Variants in RARB observed in about 807,000 individuals in gnomAD.
RARB encodes the protein retinoic acid receptor beta.
RARB carries 17 observed loss-of-function variants against 51.9 expected under a neutral mutation model. The ratio of observed to expected loss-of-function variants is 0.33; its 90% CI spans 0.22 to 0.49. The LOEUF (loss-of-function observed/expected upper bound fraction) is 0.49. Among genes scored for constraint, RARB ranks in the 20% least tolerant of loss-of-function variants. The pLI, the probability that RARB is intolerant of heterozygous loss-of-function variation, is 0.99. For synonymous variants in RARB, 215 were observed against 195.4 expected (o/e 1.10, Z -0.84); for missense variants, 369 against 550.8 (o/e 0.67, Z 3.30).
chr3:25,291,476 CTT>C (rs199605013), intron 5 of RARB, among the ~76,000 whole-genome samples: 78 of 125,322 alleles, frequency 6.2e-4, no homozygotes, highest in African/African-American at 1.5e-3. Flanking sequence ...CAGATGTTTG[CTT>C]TTTTTTTTTT....
intron 5 of RARB, among the ~76,000 whole-genome samples, chr3:25,227,629 CTATAT>C (rs986776368): frequency 4.6e-5 from 7 of 152,086 alleles, no homozygotes; most frequent in Non-Finnish European, 1.0e-4. Flanking sequence ...CCCATCACAA[CTATAT>C]TATGTTTGCT....
rs186331588 is a variant in RARB, at chr3:25,274,359, T to C, written c.178+99784T>C. Among the ~76,000 whole-genome samples the C allele has an allele frequency of 7.2e-3, 1,088 of 151,986 alleles. 16 individuals carry two copies. The highest frequency in any genetic ancestry group is 0.025 in the African/African-American group (1,043 of 41,284). On this transcript the variant is annotated intron_variant, in intron 5 of 11. Coordinates refer to the RARB transcript ENST00000383772. ...CGCAACTAATGGCCATAGGCTACCA[T>C]ACAGGGTGGTGCCCTTCCAGTCCCT...
chr3:24,914,182 T>C (rs1695059557), intron 2 of RARB, among the ~76,000 whole-genome samples: 1 of 152,346 alleles, frequency 6.6e-6, no homozygotes, highest in East Asian at 1.9e-4. Context: ...CTCAGGGATC[T>C]GAGACACAAA....
chr3:24,997,083 A>C (rs1697057373), intron 2 of RARB, among the ~76,000 whole-genome samples: 1 of 152,152 alleles, frequency 6.6e-6, no homozygotes, highest in Non-Finnish European at 1.5e-5. Context: ...TATTGTATTG[A>C]GGTCTATCTC....
chr3:24,939,422 T>C (rs143950935), intron 2 of RARB, among the ~76,000 whole-genome samples: 243 of 152,354 alleles, frequency 1.6e-3, no homozygotes, highest in African/African-American at 5.3e-3. Flanking sequence ...AAGTGATAAA[T>C]GCAGGCTGCA....
chr3:24,966,220 G>A (rs535759854), intron 2 of RARB, among the ~76,000 whole-genome samples: 20 of 151,840 alleles, frequency 1.3e-4, no homozygotes, highest in African/African-American at 4.8e-4. Flanking sequence ...AACTATTATT[G>A]GAATTTGGGA....
chr3:25,282,613 G>T (rs977857220), intron 5 of RARB, among the ~76,000 whole-genome samples: 1 of 152,192 alleles, frequency 6.6e-6, no homozygotes, highest in Admixed American at 6.5e-5. Flanking sequence ...TATAGATGGT[G>T]CTTGATAAAT....
intron 1 of RARB, among the ~76,000 whole-genome samples, chr3:25,456,715 A>AGAGAGT (rs1694938831): frequency 7.2e-6 from 1 of 139,428 alleles, no homozygotes; most frequent in Non-Finnish European, 1.6e-5. Flanking sequence ...AGAGAGAGAG[A>AGAGAGT]GAGTCAAATA....
intron 2 of RARB, among the ~76,000 whole-genome samples, chr3:25,031,361 C>G (rs1048237263): frequency 6.6e-6 from 1 of 152,120 alleles, no homozygotes; most frequent in Non-Finnish European, 1.5e-5. Context: ...GAGCAGGTCC[C>G]AAACTAGTTT....
rs563382445 is a variant in RARB at position 25,063,260 on chromosome 3, C to T, written c.-328+3084C>T. Among the ~76,000 whole-genome samples, 4 of 152,076 alleles carry T rather than the reference C, an allele frequency of 2.6e-5. No individual in the cohort carries two copies. In the East Asian group the frequency reaches 5.8e-4, roughly 22 times the overall value. Reference sequence around the variant, plus strand: ...ATTTTGAGGAAATTATTTTATTCCCCTCTCAATTTTGCTCTAAAACTTCTG... The same window carrying T: ...ATTTTGAGGAAATTATTTTATTCCCTTCTCAATTTTGCTCTAAAACTTCTG... On this transcript the variant is annotated intron_variant, in intron 3 of 11. Coordinates refer to the RARB transcript ENST00000383772.
chr3:25,189,757 C>T (rs982296446), intron 5 of RARB, among the ~76,000 whole-genome samples: 4 of 151,938 alleles, frequency 2.6e-5, no homozygotes, highest in Non-Finnish European at 5.9e-5. Flanking sequence ...TGGTGGTGGG[C>T]GCCTGTAATC....
chr3:25,437,201 T>G (rs1472584700), intron 1 of RARB, among the ~76,000 whole-genome samples: 1 of 150,736 alleles, frequency 6.6e-6, no homozygotes, highest in Non-Finnish European at 1.5e-5. Flanking sequence ...GCTCATAACC[T>G]AGGTGGCAGT....
At chr3:24,932,532 A>G (rs1264563302) in intron 2 of RARB, among the ~76,000 whole-genome samples, 2 of 152,120 alleles carry the variant, frequency 1.3e-5, no homozygotes, top group African/African-American at 4.8e-5. Flanking sequence ...ATGCGTATGC[A>G]TTTTTACACA....
chr3:24,906,506 T>C (rs1257803310), intron 2 of RARB, among the ~76,000 whole-genome samples: 1 of 152,116 alleles, frequency 6.6e-6, no homozygotes, highest in Non-Finnish European at 1.5e-5. Context: ...AGATTTATCA[T>C]TTTGGGAAGG....
chr3:24,961,012 ATTTTC>A (rs1696129051), intron 2 of RARB, among the ~76,000 whole-genome samples: 1 of 152,226 alleles, frequency 6.6e-6, no homozygotes, highest in African/African-American at 2.4e-5. Context: ...TCTCAAGTCT[ATTTTC>A]TTATTTGTCA....
chr3:25,252,529 G>A (rs1230566120), intron 5 of RARB, among the ~76,000 whole-genome samples: 1 of 152,112 alleles, frequency 6.6e-6, no homozygotes, highest in East Asian at 1.9e-4. Context: ...TTTCAGTAAT[G>A]TTCTGTAGTT....
At chr3:25,348,875 T>C (rs1160286852) in intron 5 of RARB, among the ~76,000 whole-genome samples, 2 of 152,180 alleles carry the variant, frequency 1.3e-5, no homozygotes, top group Non-Finnish European at 2.9e-5. Context: ...AGGATTTGCA[T>C]TTCTGATGAG....
rs970345755 is a variant in RARB, at chr3:24,866,609, G to T, written c.-380+7857G>T. On this transcript the variant is annotated intron_variant, in intron 2 of 11. Transcript: ENST00000383772. ...ATGTGAGCTCCCAACCTCCCTCACC[G>T]GCCGAGGGGCTTCCAGGTCTTAGTT... Among the ~76,000 whole-genome samples, 6 of 152,100 alleles carry T rather than the reference G, an allele frequency of 3.9e-5. No homozygotes were observed. In the East Asian group the frequency reaches 7.7e-4, roughly 20 times the overall value.
rs1491340423 is a variant in RARB at position 25,024,954 on chromosome 3, A to AG, written c.-379-35171_-379-35170insG. The stretch of plus-strand genomic sequence containing the variant: ...GGACAACAGAGTGAGACTCCGTCTC[A>AG]AAAAAAAAAAAAAAAAAAAAAGGAA... On this transcript the variant is annotated intron_variant, in intron 2 of 11. Transcript: ENST00000383772. 314 of 43,440 alleles carry AG rather than the reference A, an allele frequency of 7.2e-3. 1 individual carries two copies. The highest frequency in any genetic ancestry group is 0.023 in the African/African-American group (287 of 12,494). The allele number at this position is 43,440 out of a possible 1,614,324, so 2.7% of individuals were successfully genotyped here.
Sources: allele counts gnomAD v4.1 joint callset (sites outside exome capture counted in the v4.1 genomes callset), GRCh38; gene constraint gnomAD v4.1.1; transcripts MANE v1.5; gene names NCBI Gene and HGNC (gene_info 2026-07-23, HGNC 2026-07-21).